CYYR1: variants seen among roughly 807,000 people sequenced by gnomAD.
CYYR1 encodes the protein cysteine and tyrosine rich 1, also known as cysteine and tyrosine-rich protein 1.
Under a neutral mutation model 15.2 loss-of-function variants are expected in CYYR1, and 14 were observed. That is an observed-to-expected ratio of 0.92 (90% CI 0.61 to 1.44). The LOEUF (loss-of-function observed/expected upper bound fraction) is 1.44, where lower values mean the gene tolerates loss of function less well. CYYR1 is among the 40% of genes most tolerant of loss of function. CYYR1 has a pLI of 0.00. For missense variants in CYYR1, 228 were observed against 209.5 expected (o/e 1.09, Z -0.54); for synonymous variants, 80 against 77.4 (o/e 1.03, Z -0.18).
intron 1 of CYYR1, chr21:26,567,895 T>A (rs1157883766): frequency 6.6e-6 from 1 of 152,230 alleles, no homozygotes; most frequent in Non-Finnish European, 1.5e-5. Context: ...TATGCGTGGC[T>A]TTTGTGGAAC....
At chr21:26,559,864 A>C (rs1980079154) in intron 2 of CYYR1, among the ~76,000 whole-genome samples, 1 of 152,138 alleles carries the variant, frequency 6.6e-6, no homozygotes, top group Non-Finnish European at 1.5e-5. Flanking sequence ...ATAAATCTTG[A>C]TGTCTGTAAG....
intron 2 of CYYR1, among the ~76,000 whole-genome samples, chr21:26,517,365 A>G (rs1181104955): frequency 6.6e-6 from 1 of 152,180 alleles, no homozygotes; most frequent in Non-Finnish European, 1.5e-5. Context: ...AGATAAATCT[A>G]ATTATTTCTG....
chr21:26,533,069 G>C (rs2065952328), intron 2 of CYYR1, among the ~76,000 whole-genome samples: 1 of 151,424 alleles, frequency 6.6e-6, no homozygotes. Flanking sequence ...ATGCATTTTG[G>C]ATAAGGGATA....
In CYYR1 at chr21:26,499,639, G is replaced by A. The variant is rs966548815; in HGVS notation, c.177-19210C>T. On this transcript the variant is annotated intron_variant, in intron 2 of 3. Coordinates refer to ENST00000652641, the MANE Select transcript of CYYR1 (RefSeq NM_001320768.2). ...AGTAGTGCAGGACCTAACAATATCTGTGAGTGAGAAGCTGGAAATGAGGTT... is the reference window on the plus strand; with the variant it reads ...AGTAGTGCAGGACCTAACAATATCTATGAGTGAGAAGCTGGAAATGAGGTT... Among the ~76,000 whole-genome samples the A allele has an allele frequency of 2.0e-5, 3 of 152,310 alleles. No individual in the cohort carries two copies. The East Asian group carries it at 5.8e-4, about 29-fold the overall frequency.
At chr21:26,505,164 C>A (rs1311908125) in intron 2 of CYYR1, among the ~76,000 whole-genome samples, 1 of 152,168 alleles carries the variant, frequency 6.6e-6, no homozygotes, top group Admixed American at 6.5e-5. Flanking sequence ...TGAAAGAAAA[C>A]ATGGCCCCTC....
intron 2 of CYYR1, chr21:26,551,195 A>G (rs1429269780): frequency 6.6e-6 from 1 of 152,668 alleles, no homozygotes; most frequent in Non-Finnish European, 1.5e-5. Context: ...TGCTCAGGAA[A>G]AAAGATACTT....
intron 2 of CYYR1, among the ~76,000 whole-genome samples, chr21:26,507,249 T>C (rs1032619609): frequency 7.9e-5 from 12 of 152,188 alleles, no homozygotes; most frequent in Admixed American, 7.9e-4. Context: ...ACATGCCTTA[T>C]GCTGACTAGA....
intron 2 of CYYR1, chr21:26,482,585 C>T (rs1984122473): frequency 3.5e-6 from 3 of 867,152 alleles, no homozygotes; most frequent in South Asian, 5.3e-5. Context: ...TGAATGGCTT[C>T]TTAAAAATCG....
intron 2 of CYYR1, among the ~76,000 whole-genome samples, chr21:26,562,722 T>C: frequency 1.5e-5 from 2 of 129,066 alleles, no homozygotes; most frequent in Admixed American, 8.1e-5. Flanking sequence ...AAACATCTCC[T>C]CCTAAACACA....
At chr21:26,513,920 G>C (rs1032873921) in intron 2 of CYYR1, among the ~76,000 whole-genome samples, 2 of 133,406 alleles carry the variant, frequency 1.5e-5, no homozygotes, top group African/African-American at 5.6e-5. Flanking sequence ...GTTGTGGGGT[G>C]GGGGGAGGGG....
chr21:26,543,493 G>C (rs1403180712), intron 2 of CYYR1, among the ~76,000 whole-genome samples: 1 of 152,178 alleles, frequency 6.6e-6, no homozygotes, highest in African/African-American at 2.4e-5. Flanking sequence ...CACATGTCAG[G>C]GGCCTGTGCT....
intron 2 of CYYR1, among the ~76,000 whole-genome samples, chr21:26,499,795 TG>T (rs1303272753): frequency 1.3e-5 from 2 of 150,212 alleles, no homozygotes; most frequent in African/African-American, 2.5e-5. Flanking sequence ...AAAGGAAAAC[TG>T]GAAAGGGAAA....
At chr21:26,478,076 T>C (rs1196086020) in intron 3 of CYYR1, 2 of 1,549,502 alleles carry the variant, frequency 1.3e-6, no homozygotes, top group African/African-American at 2.7e-5. Context: ...TGGTCTTACA[T>C]GCTTGGAATA....
At chr21:26,491,194 A>G (rs1329669595) in intron 2 of CYYR1, among the ~76,000 whole-genome samples, 1 of 152,198 alleles carries the variant, frequency 6.6e-6, no homozygotes, top group Non-Finnish European at 1.5e-5. Flanking sequence ...ACTTCCAGAT[A>G]CAATACTCTC....
chr21:26,523,419 A>G (rs1285873830), intron 2 of CYYR1, among the ~76,000 whole-genome samples: 1 of 152,140 alleles, frequency 6.6e-6, no homozygotes, highest in African/African-American at 2.4e-5. Context: ...GGCCTTTTAA[A>G]ATAAAATACC....
chr21:26,520,712 C>T (rs2065793064), intron 2 of CYYR1, among the ~76,000 whole-genome samples: 2 of 152,190 alleles, frequency 1.3e-5, no homozygotes, highest in Non-Finnish European at 2.9e-5. Flanking sequence ...TAAAAGCTTT[C>T]CTATTTCTCC....
At chr21:26,526,571 T>C (rs1200514093) in intron 2 of CYYR1, among the ~76,000 whole-genome samples, 2 of 152,242 alleles carry the variant, frequency 1.3e-5, no homozygotes, top group African/African-American at 4.8e-5. Context: ...ACCATTTGAA[T>C]TATTTTATAA....
At chr21:26,550,983 G>A (rs951178951) in intron 2 of CYYR1, 6 of 152,614 alleles carry the variant, frequency 3.9e-5, no homozygotes, top group Non-Finnish European at 4.4e-5. Flanking sequence ...AAGCTTCAAA[G>A]AACAGGGTGA....
chr21:26,475,526 T>C (rs1302971894), intron 3 of CYYR1, among the ~76,000 whole-genome samples: 1 of 152,144 alleles, frequency 6.6e-6, no homozygotes, highest in Non-Finnish European at 1.5e-5. Flanking sequence ...TCTGTATTCA[T>C]CAGTTTCCCC....
Sources: allele counts gnomAD v4.1 joint callset (sites outside exome capture counted in the v4.1 genomes callset), GRCh38; gene constraint gnomAD v4.1.1; transcripts MANE v1.5; gene names NCBI Gene and HGNC (gene_info 2026-07-23, HGNC 2026-07-21).